Variants in ADAMTS3 observed in about 807,000 individuals in gnomAD.
The protein encoded by ADAMTS3 is A disintegrin and metalloproteinase with thrombospondin motifs 3.
Under a neutral mutation model 129.0 loss-of-function variants are expected in ADAMTS3, and 73 were observed. The ratio of observed to expected loss-of-function variants is 0.57; its 90% CI spans 0.47 to 0.69. The LOEUF (loss-of-function observed/expected upper bound fraction) is 0.69. Among genes scored for constraint, ADAMTS3 ranks in the 30% least tolerant of loss-of-function variants. The pLI, the probability that ADAMTS3 is intolerant of heterozygous loss-of-function variation, is 0.00. For missense variants in ADAMTS3, 1,457 were observed against 1,514.5 expected (o/e 0.96, Z 0.63); for synonymous variants, 477 against 510.8 (o/e 0.93, Z 0.89).
At chr4:72,492,342 A>T (rs1719769782) in intron 3 of ADAMTS3, among the ~76,000 whole-genome samples, 1 of 149,994 alleles carries the variant, frequency 6.7e-6, no homozygotes, top group African/African-American at 2.4e-5. Flanking sequence ...TTTGAGGTGC[A>T]AAGTTTTTTT....
intron 3 of ADAMTS3, among the ~76,000 whole-genome samples, chr4:72,427,510 G>A (rs536578949): frequency 2.6e-4 from 40 of 152,108 alleles, no homozygotes; most frequent in African/African-American, 9.4e-4. Flanking sequence ...TAGAGGTAAG[G>A]CACAAGAATG....
intron 3 of ADAMTS3, among the ~76,000 whole-genome samples, chr4:72,416,182 T>TATATATACATATATGTATATAAATAC (rs1722300687): frequency 1.3e-5 from 2 of 148,342 alleles, no homozygotes; most frequent in Non-Finnish European, 1.5e-5. Flanking sequence ...AATATAAATA[T>TATATATACATATATGTATATAAATAC]ATATATTCAT....
chr4:72,458,141 G>C (rs992475669), intron 3 of ADAMTS3, among the ~76,000 whole-genome samples: 9 of 151,436 alleles, frequency 5.9e-5, no homozygotes, highest in Non-Finnish European at 8.9e-5. Context: ...ATAAAACTTA[G>C]GAATTCCTGT....
intron 4 of ADAMTS3, among the ~76,000 whole-genome samples, chr4:72,354,664 G>A (rs1416982453): frequency 1.3e-5 from 2 of 151,916 alleles, no homozygotes; most frequent in African/African-American, 4.8e-5. Flanking sequence ...ACATTCCAAT[G>A]TCTTTTCATT....
chr4:72,311,296 A>C, intron 13 of ADAMTS3, 115 bp from the exon 14 acceptor site: 1 of 941,628 alleles, frequency 1.1e-6, no homozygotes, highest in South Asian at 2.2e-5. Flanking sequence ...AAACAAAAGG[A>C]ATACCGTATA....
At chr4:72,388,433 A>G (rs2109889130) in intron 4 of ADAMTS3, among the ~76,000 whole-genome samples, 1 of 152,250 alleles carries the variant, frequency 6.6e-6, no homozygotes, top group Non-Finnish European at 1.5e-5. Context: ...GTGCTTCCCT[A>G]CAATGCAATG....
chr4:72,340,062 TA>T (rs773611998), intron 4 of ADAMTS3, among the ~76,000 whole-genome samples: 124 of 152,238 alleles, frequency 8.1e-4, no homozygotes, highest in Non-Finnish European at 1.6e-3. Flanking sequence ...AGATTACAAA[TA>T]AAAATAACTC....
chr4:72,441,759 T>TGAC (rs1718122505), intron 3 of ADAMTS3: 1 of 151,622 alleles, frequency 6.6e-6, no homozygotes, highest in South Asian at 2.1e-4. Flanking sequence ...ATCAATGTTG[T>TGAC]TGCTACCAGC....
Position 72,548,816 on chromosome 4 carries a change from A to C in ADAMTS3, c.166T>G (p.Tyr56Asp). The C allele has an allele frequency of 1.2e-6, 2 of 1,613,878 alleles. No individual in the cohort carries two copies. Among genetic ancestry groups the C allele is most frequent in the Non-Finnish European group, 8.5e-7 (1 of 1,179,856 alleles). Residue 56 changes from tyrosine to aspartate, a missense_variant, in exon 3 of 22, where the codon TAT (tyrosine) becomes GAT (aspartate). By Grantham distance (160) the Tyr-to-Asp change is radical (BLOSUM62 -3). Transcript: ENST00000286657. ...TPVSTNLEGR[Y>D]LSHTLSASHK... ...CTCGCAGAAAGAGTATGGGAGAGAT[A>C]GCGTCCTTCTAGATTTGTGCTGACT...
intron 3 of ADAMTS3, among the ~76,000 whole-genome samples, chr4:72,480,609 T>C (rs985608185): frequency 6.6e-6 from 1 of 152,010 alleles, no homozygotes; most frequent in Non-Finnish European, 1.5e-5. Context: ...GACGAGTTAA[T>C]GGGTGCAGCA....
intron 3 of ADAMTS3, among the ~76,000 whole-genome samples, chr4:72,529,852 A>G (rs1362969535): frequency 1.3e-5 from 1 of 79,962 alleles, no homozygotes; most frequent in African/African-American, 5.2e-5. Flanking sequence ...ATATTATATT[A>G]ATATATAATA....
intron 2 of ADAMTS3, among the ~76,000 whole-genome samples, chr4:72,564,329 G>T (rs1007048129): frequency 5.3e-5 from 8 of 152,116 alleles, no homozygotes; most frequent in Non-Finnish European, 1.2e-4. Flanking sequence ...AGCCACATGT[G>T]TCATTGAGCA....
chr4:72,563,236 T>C lies in ADAMTS3; in HGVS notation c.97+4138A>G, dbSNP rs182972807. Among the ~76,000 whole-genome samples, 39 of 152,308 alleles carry C rather than the reference T, an allele frequency of 2.6e-4. No individual in the cohort carries two copies. The East Asian group carries it at 6.8e-3, about 26-fold the overall frequency. ...TTAATAAAATTTTCACCTAAGAATCTTGAAGCAGTTAACATTCACCATAAT... is the reference window on the plus strand; with the variant it reads ...TTAATAAAATTTTCACCTAAGAATCCTGAAGCAGTTAACATTCACCATAAT... On this transcript the variant is annotated intron_variant, in intron 2 of 21. Transcript: ENST00000286657.
chr4:72,404,653 G>C (rs1722006954), intron 4 of ADAMTS3, among the ~76,000 whole-genome samples: 1 of 151,934 alleles, frequency 6.6e-6, no homozygotes, highest in African/African-American at 2.4e-5. Flanking sequence ...TAGACAAATA[G>C]GACTACATCA....
intron 4 of ADAMTS3, among the ~76,000 whole-genome samples, chr4:72,396,586 G>A (rs1473619168): frequency 6.6e-6 from 1 of 152,166 alleles, no homozygotes; most frequent in Admixed American, 6.5e-5. Flanking sequence ...GGGAGACGAT[G>A]AGGAAGCCTA....
intron 3 of ADAMTS3, among the ~76,000 whole-genome samples, chr4:72,536,702 T>C (rs750896706): frequency 6.6e-6 from 1 of 152,150 alleles, no homozygotes; most frequent in African/African-American, 2.4e-5. Flanking sequence ...TCCAAGTTTG[T>C]CTAATTCTAA....
At chr4:72,301,246 C>G (rs1246818817) in intron 17 of ADAMTS3, among the ~76,000 whole-genome samples, 2 of 151,804 alleles carry the variant, frequency 1.3e-5, no homozygotes, top group Non-Finnish European at 2.9e-5. Context: ...TTTCATAACA[C>G]CAAAATCTTT....
At chr4:72,507,006 A>C (rs1312831144) in intron 3 of ADAMTS3, among the ~76,000 whole-genome samples, 2 of 152,202 alleles carry the variant, frequency 1.3e-5, no homozygotes, top group African/African-American at 4.8e-5. Flanking sequence ...GGAGAAAAGA[A>C]GACTGTAGTG....
At chr4:72,478,501 G>A (rs1578718167) in intron 3 of ADAMTS3, among the ~76,000 whole-genome samples, 2 of 149,380 alleles carry the variant, frequency 1.3e-5, no homozygotes, top group East Asian at 3.9e-4. Context: ...AACCCTTCAT[G>A]CTAAAAACTC....
Sources: gnomAD v4.1 joint callset for allele counts (sites outside exome capture counted in the v4.1 genomes callset) on GRCh38, gnomAD v4.1.1 for gene constraint, MANE v1.5 for transcripts, NCBI Gene and HGNC (gene_info 2026-07-23, HGNC 2026-07-21) for gene names.